The following IMMP2L variants were observed in gnomAD, a reference collection of about 807,000 sequenced individuals.
IMMP2L encodes the protein mitochondrial inner membrane protease subunit 2.
In IMMP2L, 18 loss-of-function variants were observed where a neutral mutation model predicts 19.3. The ratio of observed to expected loss-of-function variants is 0.93; its 90% CI spans 0.64 to 1.38. IMMP2L has a LOEUF of 1.38. Ranked by LOEUF, IMMP2L falls within the 40% of genes most tolerant of loss-of-function variation. The pLI is 0.00. For synonymous variants in IMMP2L, 76 were observed against 73.0 expected, an observed-to-expected ratio of 1.04 and a Z score of -0.21; for missense variants, 233 against 218.2, an observed-to-expected ratio of 1.07 and a Z score of -0.43.
chr7:111,131,673 A>G (rs1801860896), intron 3 of IMMP2L, among the ~76,000 whole-genome samples: 1 of 151,972 alleles, frequency 6.6e-6, no homozygotes, highest in Admixed American at 6.6e-5. Flanking sequence ...ATTACATATA[A>G]ATGTGTATAA....
chr7:110,696,497 G>C (rs1248558853), intron 5 of IMMP2L, among the ~76,000 whole-genome samples: 1 of 143,262 alleles, frequency 7.0e-6, no homozygotes, highest in Non-Finnish European at 1.5e-5. Context: ...TACGATCTCG[G>C]CCCACCGCAA....
At chr7:111,303,214 A>G (rs369655566) in intron 3 of IMMP2L, among the ~76,000 whole-genome samples, 1 of 152,140 alleles carries the variant, frequency 6.6e-6, no homozygotes, top group East Asian at 1.9e-4. Flanking sequence ...AGTGAGCTAT[A>G]GAAATCTGAA....
At chr7:111,127,565 A>C (rs1212604562) in intron 3 of IMMP2L, among the ~76,000 whole-genome samples, 1 of 152,202 alleles carries the variant, frequency 6.6e-6, no homozygotes, top group African/African-American at 2.4e-5. Context: ...ATAAATTTCC[A>C]GTGAGAGAGA....
At position 111,320,060 on chromosome 7, in the gene IMMP2L, A is replaced by AAGAT. The variant is rs1824519156; in HGVS notation, c.239+167174_239+167177dup. On this transcript the variant is annotated intron_variant, in intron 3 of 5. Coordinates refer to ENST00000405709, the MANE Select transcript of IMMP2L (RefSeq NM_032549.4). The stretch of plus-strand genomic sequence containing the variant: ...TCCCCACATCAGCCTCCATCGTGGG[A>AAGAT]AGATATATATACACAGAAAGAGAGG... 1.3e-5 allele frequency among the ~76,000 whole-genome samples: 2 copies of AAGAT among 152,014 alleles called. 1 individual carries two copies. Among genetic ancestry groups the AAGAT allele is most frequent in the South Asian group, 4.2e-4 (2 of 4,818 alleles).
intron 3 of IMMP2L, among the ~76,000 whole-genome samples, chr7:111,299,538 T>C (rs1205168534): frequency 1.3e-5 from 2 of 149,398 alleles, no homozygotes; most frequent in African/African-American, 2.5e-5. Flanking sequence ...ATTAGTGGGG[T>C]TTTCCCAGAT....
chr7:110,940,589 C>T (rs1816633126), intron 4 of IMMP2L, among the ~76,000 whole-genome samples: 1 of 152,114 alleles, frequency 6.6e-6, no homozygotes, highest in Admixed American at 6.6e-5. Context: ...CATTAGGCAG[C>T]TATGGAAACT....
At chr7:110,996,091 A>T (rs2129560358) in intron 3 of IMMP2L, among the ~76,000 whole-genome samples, 1 of 152,246 alleles carries the variant, frequency 6.6e-6, no homozygotes, top group Non-Finnish European at 1.5e-5. Context: ...TTATTCTACT[A>T]CAAAATTAAG....
intron 3 of IMMP2L, among the ~76,000 whole-genome samples, chr7:111,250,759 T>C (rs183716555): frequency 4.4e-4 from 67 of 152,258 alleles, no homozygotes; most frequent in Admixed American, 1.6e-3. Context: ...TAACTCAAGA[T>C]GGATTAAAGA....
intron 5 of IMMP2L, among the ~76,000 whole-genome samples, chr7:110,677,032 C>T (rs1352922355): frequency 6.6e-6 from 1 of 152,204 alleles, no homozygotes; most frequent in African/African-American, 2.4e-5. Context: ...AGAGACACTG[C>T]TTTCCTGATC....
intron 3 of IMMP2L, among the ~76,000 whole-genome samples, chr7:111,350,961 T>C (rs1251704169): frequency 1.3e-5 from 2 of 152,192 alleles, no homozygotes; most frequent in Non-Finnish European, 2.9e-5. Context: ...TTAGGGTAGA[T>C]GGCCAACTAT....
At chr7:111,047,938 A>G (rs1451000637) in intron 3 of IMMP2L, among the ~76,000 whole-genome samples, 2 of 152,144 alleles carry the variant, frequency 1.3e-5, no homozygotes, top group African/African-American at 4.8e-5. Flanking sequence ...GTTACTTTGG[A>G]TAGAAATATG....
At chr7:110,827,484 T>C (rs1244347452) in intron 5 of IMMP2L, among the ~76,000 whole-genome samples, 1 of 152,204 alleles carries the variant, frequency 6.6e-6, no homozygotes, top group Non-Finnish European at 1.5e-5. Context: ...AGCCCCATGA[T>C]GAGGATGCCA....
At chr7:111,024,458 C>T (rs1262926837) in intron 3 of IMMP2L, among the ~76,000 whole-genome samples, 1 of 152,130 alleles carries the variant, frequency 6.6e-6, no homozygotes, top group African/African-American at 2.4e-5. Flanking sequence ...AGCTCCATCA[C>T]CTCAACCCAG....
At chr7:110,752,190 G>A (rs1346576203) in intron 5 of IMMP2L, among the ~76,000 whole-genome samples, 2 of 151,884 alleles carry the variant, frequency 1.3e-5, no homozygotes, top group Non-Finnish European at 2.9e-5. Context: ...TATAGAAACG[G>A]TCAGCTACAA....
chr7:111,293,457 C>G (rs1360383714), intron 3 of IMMP2L, among the ~76,000 whole-genome samples: 1 of 151,756 alleles, frequency 6.6e-6, no homozygotes, highest in African/African-American at 2.4e-5. Context: ...CATTTGACCT[C>G]TTGGTGGGGA....
chr7:111,059,267 C>A (rs1443253586), intron 3 of IMMP2L, among the ~76,000 whole-genome samples: 1 of 152,168 alleles, frequency 6.6e-6, no homozygotes, highest in East Asian at 1.9e-4. Flanking sequence ...CAGGCATGAG[C>A]CACCACGCCC....
chr7:111,084,495 G>C (rs1796148877), intron 3 of IMMP2L, among the ~76,000 whole-genome samples: 1 of 152,058 alleles, frequency 6.6e-6, no homozygotes. Context: ...CACGGATAAA[G>C]AGACTGATTA....
chr7:110,948,659 A>G (rs575585349), intron 4 of IMMP2L, among the ~76,000 whole-genome samples: 1 of 152,318 alleles, frequency 6.6e-6, no homozygotes, highest in African/African-American at 2.4e-5. Context: ...TTAAGGTGCT[A>G]TGCAGTGTTC....
intron 4 of IMMP2L, among the ~76,000 whole-genome samples, chr7:110,897,765 T>C (rs1811469497): frequency 6.6e-6 from 1 of 151,998 alleles, no homozygotes; most frequent in Non-Finnish European, 1.5e-5. Flanking sequence ...AAAGAACAAA[T>C]TAGAGCCATC....
Sources: allele counts gnomAD v4.1 joint callset (sites outside exome capture counted in the v4.1 genomes callset), GRCh38; gene constraint gnomAD v4.1.1; transcripts MANE v1.5; gene names NCBI Gene and HGNC (gene_info 2026-07-23, HGNC 2026-07-21).